LYPLAL1: variants seen among roughly 807,000 people sequenced by gnomAD.
LYPLAL1 encodes lysophospholipase like 1.
A neutral mutation model predicts 19.7 loss-of-function variants in LYPLAL1; 23 were observed. The ratio of observed to expected loss-of-function variants is 1.17; its 90% CI spans 0.84 to 1.65. The LOEUF (loss-of-function observed/expected upper bound fraction) is 1.65, where lower values mean the gene tolerates loss of function less well. Ranked by LOEUF, LYPLAL1 falls within the 40% of genes most tolerant of loss-of-function variation. The pLI, the probability that LYPLAL1 is intolerant of heterozygous loss-of-function variation, is 0.00. For missense variants in LYPLAL1, 355 were observed against 279.4 expected (o/e 1.27, Z -1.93); for synonymous variants, 119 against 96.3 (o/e 1.24, Z -1.38).
the LYPLAL1 span, among the ~76,000 whole-genome samples, chr1:219,264,610 G>A: frequency 6.6e-6 from 1 of 152,162 alleles, no homozygotes; most frequent in South Asian, 2.1e-4. Flanking sequence ...TGGGTTGGGG[G>A]TGGGCAGTCT....
the LYPLAL1 span, among the ~76,000 whole-genome samples, chr1:219,373,599 A>T: frequency 1.3e-5 from 2 of 152,260 alleles, no homozygotes; most frequent in South Asian, 4.1e-4. Context: ...ACTCTCCTTC[A>T]GAAGTCGCAC....
the LYPLAL1 span, among the ~76,000 whole-genome samples, chr1:219,293,728 G>A: frequency 7.2e-5 from 11 of 152,276 alleles, no homozygotes; most frequent in South Asian, 8.3e-4. Flanking sequence ...AGACATGTGC[G>A]TATATTAAAA....
chr1:219,174,150 C>T, intron 1 of LYPLAL1, 169 bp downstream of exon 1: 1 of 1,442,012 alleles, frequency 6.9e-7, no homozygotes, highest in Non-Finnish European at 9.1e-7. Context: ...CACCTGCCCC[C>T]AGCCTCCCCC....
the LYPLAL1 span, among the ~76,000 whole-genome samples, chr1:219,301,890 C>A: frequency 2.0e-5 from 3 of 152,044 alleles, no homozygotes; most frequent in African/African-American, 4.8e-5. Context: ...TTCTCAAATT[C>A]CTTTTTGATT....
At chr1:219,410,603 C>T in the LYPLAL1 span, among the ~76,000 whole-genome samples, 1 of 152,256 alleles carries the variant, frequency 6.6e-6, no homozygotes, top group Non-Finnish European at 1.5e-5. Flanking sequence ...CCTTTCTGGG[C>T]TGGCCAAGGC....
At chr1:219,362,283 C>T in the LYPLAL1 span, among the ~76,000 whole-genome samples, 7 of 152,084 alleles carry the variant, frequency 4.6e-5, no homozygotes, top group Admixed American at 1.3e-4. Flanking sequence ...CTGCCATTTA[C>T]TAATTGTGTG....
At chr1:219,407,790 A>G in the LYPLAL1 span, among the ~76,000 whole-genome samples, 1 of 152,152 alleles carries the variant, frequency 6.6e-6, no homozygotes, top group South Asian at 2.1e-4. Flanking sequence ...ATTTACACTC[A>G]TAATTCTGGA....
At chr1:219,244,923 A>AC in the LYPLAL1 span, among the ~76,000 whole-genome samples, 18 of 150,850 alleles carry the variant, frequency 1.2e-4, no homozygotes, top group Non-Finnish European at 1.9e-4. Flanking sequence ...AAAAAAAAAA[A>AC]AAAACAAAAA....
At chr1:219,221,695 G>A in the LYPLAL1 span, among the ~76,000 whole-genome samples, 2 of 152,182 alleles carry the variant, frequency 1.3e-5, no homozygotes, top group Non-Finnish European at 2.9e-5. Context: ...AGAGGCTCCC[G>A]TTGGCAACAT....
At chr1:219,436,660 C>T in the LYPLAL1 span, among the ~76,000 whole-genome samples, 3 of 152,152 alleles carry the variant, frequency 2.0e-5, no homozygotes, top group African/African-American at 7.2e-5. Context: ...TGGGGTTCCT[C>T]ATCCACAAGG....
chr1:219,276,077 A>G, the LYPLAL1 span, among the ~76,000 whole-genome samples: 1 of 152,226 alleles, frequency 6.6e-6, no homozygotes, highest in Non-Finnish European at 1.5e-5. Flanking sequence ...TGTTTACTGC[A>G]GCTCCCTCTG....
chr1:219,221,682 G>A, the LYPLAL1 span, among the ~76,000 whole-genome samples: 32 of 152,314 alleles, frequency 2.1e-4, no homozygotes, highest in African/African-American at 7.7e-4. Flanking sequence ...ACCTTCCTTT[G>A]CCAGAGGCTC....
chr1:219,376,009 G>A, the LYPLAL1 span, among the ~76,000 whole-genome samples: 1 of 152,058 alleles, frequency 6.6e-6, no homozygotes, highest in Non-Finnish European at 1.5e-5. Flanking sequence ...CCAAAGTGCT[G>A]GGATTACAGC....
chr1:219,310,291 T>C, the LYPLAL1 span, among the ~76,000 whole-genome samples: 2 of 152,204 alleles, frequency 1.3e-5, no homozygotes, highest in South Asian at 2.1e-4. Flanking sequence ...ATAAATCCAA[T>C]AGTTTTTACT....
intron 3 of LYPLAL1, chr1:219,200,042 A>G (rs1558237212): frequency 8.6e-6 from 2 of 231,306 alleles, no homozygotes; most frequent in Non-Finnish European, 1.8e-5. Context: ...CACACCACCT[A>G]GTGAGCAGTT....
intron 2 of LYPLAL1, among the ~76,000 whole-genome samples, chr1:219,186,167 C>T (rs1656704815): frequency 6.6e-6 from 1 of 151,760 alleles, no homozygotes; most frequent in Non-Finnish European, 1.5e-5. Flanking sequence ...ATTCTTATTA[C>T]TGTTGATATC....
chr1:219,404,948 A>G, the LYPLAL1 span, among the ~76,000 whole-genome samples: 35 of 152,178 alleles, frequency 2.3e-4, no homozygotes, highest in Non-Finnish European at 4.4e-4. Context: ...ATGAAAAGCA[A>G]CTCCCCATCC....
chr1:219,208,784 A>C (rs187090925), intron 3 of LYPLAL1, among the ~76,000 whole-genome samples: 1 of 152,260 alleles, frequency 6.6e-6, no homozygotes, highest in Non-Finnish European at 1.5e-5. Context: ...GATGTTATTA[A>C]AGAGAAAACT....
chr1:219,397,090 C>T, the LYPLAL1 span, among the ~76,000 whole-genome samples: 8 of 152,090 alleles, frequency 5.3e-5, no homozygotes, highest in Non-Finnish European at 1.0e-4. Flanking sequence ...TGTGTTTCTT[C>T]AATACCTAGT....
Sources: allele counts gnomAD v4.1 joint callset (sites outside exome capture counted in the v4.1 genomes callset), GRCh38; gene constraint gnomAD v4.1.1; transcripts MANE v1.5; gene names NCBI Gene and HGNC (gene_info 2026-07-23, HGNC 2026-07-21).